The following NLGN1 variants were observed in gnomAD, a reference collection of about 807,000 sequenced individuals.
The protein encoded by NLGN1 is neuroligin 1.
A neutral mutation model predicts 65.5 loss-of-function variants in NLGN1; 12 were observed. That is an observed-to-expected ratio of 0.18 (90% CI 0.12 to 0.30). The LOEUF (loss-of-function observed/expected upper bound fraction) is 0.30. NLGN1 is among the 10% of genes least tolerant of loss of function. The pLI, the probability that NLGN1 is intolerant of heterozygous loss-of-function variation, is 1.00. For synonymous variants in NLGN1, 350 were observed against 359.5 expected, an observed-to-expected ratio of 0.97 and a Z score of 0.30; for missense variants, 750 against 1,007.1, an observed-to-expected ratio of 0.74 and a Z score of 3.46.
intron 4 of NLGN1, among the ~76,000 whole-genome samples, chr3:173,851,493 C>T (rs905237592): frequency 1.5e-4 from 23 of 152,160 alleles, no homozygotes; most frequent in African/African-American, 4.1e-4. Context: ...TTTCTGAAGA[C>T]ATTCATAGCC....
intron 4 of NLGN1, among the ~76,000 whole-genome samples, chr3:173,836,793 T>G (rs1187142351): frequency 1.3e-5 from 2 of 152,168 alleles, no homozygotes; most frequent in Non-Finnish European, 2.9e-5. Flanking sequence ...ATCTTATCAG[T>G]GGAATCAAAA....
chr3:173,396,167 G>A (rs1716613838), upstream of NLGN1: 1 of 154,834 alleles, frequency 6.5e-6, no homozygotes, highest in Non-Finnish European at 1.4e-5. Context: ...AGGATCTGTA[G>A]CCCCGGGAGA....
At chr3:173,952,550 A>G (rs1002918999) in intron 4 of NLGN1, among the ~76,000 whole-genome samples, 3 of 152,196 alleles carry the variant, frequency 2.0e-5, no homozygotes, top group Non-Finnish European at 4.4e-5. Flanking sequence ...AGTCTGATTA[A>G]TAGAGTCGTC....
intron 2 of NLGN1, among the ~76,000 whole-genome samples, chr3:173,574,916 A>G (rs1745269130): frequency 6.6e-6 from 1 of 151,780 alleles, no homozygotes. Context: ...ACAGGATCTC[A>G]CTCTGTCACC....
At chr3:174,241,857 A>AT (rs1192578770) in intron 4 of NLGN1, among the ~76,000 whole-genome samples, 6 of 151,910 alleles carry the variant, frequency 3.9e-5, no homozygotes, top group Non-Finnish European at 8.8e-5. Context: ...ACGGGGTTTC[A>AT]CCGTGTTAGC....
chr3:174,050,410 T>G (rs1734559235), intron 4 of NLGN1, among the ~76,000 whole-genome samples: 1 of 152,022 alleles, frequency 6.6e-6, no homozygotes, highest in South Asian at 2.1e-4. Context: ...TTTTTTTTTC[T>G]GTTTTCAGTC....
intron 2 of NLGN1, among the ~76,000 whole-genome samples, chr3:173,521,679 A>G (rs1560378032): frequency 6.6e-6 from 1 of 152,134 alleles, no homozygotes; most frequent in Non-Finnish European, 1.5e-5. Flanking sequence ...AGGAGCTCTG[A>G]GCCTAGTAAT....
At chr3:174,243,558 T>G (rs935896419) in intron 4 of NLGN1, among the ~76,000 whole-genome samples, 4 of 152,290 alleles carry the variant, frequency 2.6e-5, no homozygotes, top group Non-Finnish European at 4.4e-5. Context: ...AAAATTCCCC[T>G]ATGTAATTCC....
chr3:173,805,181 ATT>A (rs1456839938), intron 3 of NLGN1, among the ~76,000 whole-genome samples: 1 of 152,302 alleles, frequency 6.6e-6, no homozygotes, highest in African/African-American at 2.4e-5. Context: ...ATGTCCAAGA[ATT>A]TTACCTGTTT....
At chr3:173,759,402 A>C (rs993153422) in intron 3 of NLGN1, among the ~76,000 whole-genome samples, 1 of 151,998 alleles carries the variant, frequency 6.6e-6, no homozygotes, top group African/African-American at 2.4e-5. Context: ...TTTCACCACC[A>C]ACATGGTTCA....
At chr3:173,452,290 G>A (rs962974749) in intron 2 of NLGN1, among the ~76,000 whole-genome samples, 2 of 151,792 alleles carry the variant, frequency 1.3e-5, no homozygotes, top group Non-Finnish European at 2.9e-5. Context: ...CTTCCTCCCG[G>A]GTTCAAGCCT....
intron 3 of NLGN1, among the ~76,000 whole-genome samples, chr3:173,617,025 C>G (rs1281002794): frequency 6.6e-6 from 1 of 152,082 alleles, no homozygotes; most frequent in Non-Finnish European, 1.5e-5. Flanking sequence ...TGTTGATATT[C>G]TTTTTGTTCC....
At chr3:174,117,363 T>C (rs1716719154) in intron 4 of NLGN1, among the ~76,000 whole-genome samples, 1 of 151,924 alleles carries the variant, frequency 6.6e-6, no homozygotes, top group South Asian at 2.1e-4. Flanking sequence ...ACGCCTGTAA[T>C]CCCAGCACTT....
chr3:173,725,093 G>C (rs1771543741), intron 3 of NLGN1, among the ~76,000 whole-genome samples: 1 of 151,778 alleles, frequency 6.6e-6, no homozygotes, highest in Non-Finnish European at 1.5e-5. Flanking sequence ...CCAGTTAATG[G>C]GTGCAGCACA....
At chr3:174,243,781 C>T (rs904835832) in intron 4 of NLGN1, among the ~76,000 whole-genome samples, 2 of 152,186 alleles carry the variant, frequency 1.3e-5, no homozygotes, top group Admixed American at 6.5e-5. Context: ...AAAACGACAA[C>T]TATCCTGAGT....
At chr3:173,581,686 A>C (rs1224356166) in intron 2 of NLGN1, among the ~76,000 whole-genome samples, 2 of 152,120 alleles carry the variant, frequency 1.3e-5, no homozygotes, top group Admixed American at 6.5e-5. Flanking sequence ...TTAGTAGTAC[A>C]GTTTTTTAAA....
At chr3:173,856,250 G>T (rs1727944201) in intron 4 of NLGN1, among the ~76,000 whole-genome samples, 2 of 142,710 alleles carry the variant, frequency 1.4e-5, no homozygotes, top group South Asian at 4.6e-4. Context: ...GGTAGTAATA[G>T]AAATATTGCT....
At chr3:173,434,821 A>G (rs1404572226) in intron 1 of NLGN1, among the ~76,000 whole-genome samples, 1 of 152,246 alleles carries the variant, frequency 6.6e-6, no homozygotes, top group Non-Finnish European at 1.5e-5. Flanking sequence ...ATAGCTGCCA[A>G]ATAATGGTTG....
At chr3:173,747,629 C>T (rs1241290436) in intron 3 of NLGN1, among the ~76,000 whole-genome samples, 1 of 150,480 alleles carries the variant, frequency 6.6e-6, no homozygotes, top group Non-Finnish European at 1.5e-5. Flanking sequence ...CACTTAGTGA[C>T]ACATATTTCC....
Sources: allele counts gnomAD v4.1 joint callset (sites outside exome capture counted in the v4.1 genomes callset), GRCh38; gene constraint gnomAD v4.1.1; transcripts MANE v1.5; gene names NCBI Gene and HGNC (gene_info 2026-07-23, HGNC 2026-07-21).